FSTL5: variants seen among roughly 807,000 people sequenced by gnomAD.
FSTL5 encodes the protein follistatin like 5, also known as follistatin-related protein 5.
A neutral mutation model predicts 89.1 loss-of-function variants in FSTL5; 62 were observed. That is an observed-to-expected ratio of 0.70 (90% confidence interval 0.57 to 0.86). The LOEUF is 0.86. Ranked by LOEUF, FSTL5 falls within the 40% of genes least tolerant of loss-of-function variation. The probability of loss-of-function intolerance (pLI) is 0.00; values close to 1 mark genes in which losing one functional copy is unlikely to be tolerated. For missense variants in FSTL5, 1,057 were observed against 1,001.6 expected (o/e 1.06, Z -0.75); for synonymous variants, 383 against 346.2 (o/e 1.11, Z -1.18).
chr4:161,995,109 C>A (rs1186058233), intron 3 of FSTL5, among the ~76,000 whole-genome samples: 1 of 151,962 alleles, frequency 6.6e-6, no homozygotes, highest in African/African-American at 2.4e-5. Flanking sequence ...TATGGCTAGC[C>A]AGATTTCAGG....
intron 2 of FSTL5, among the ~76,000 whole-genome samples, chr4:162,107,447 G>A (rs147610298): frequency 1.4e-3 from 216 of 152,184 alleles, no homozygotes; most frequent in African/African-American, 5.0e-3. Flanking sequence ...TTCTAAAGAC[G>A]GCTCAAAATT....
chr4:161,961,522 AAAAT>A (rs1049791379), intron 3 of FSTL5, among the ~76,000 whole-genome samples: 5 of 2,322 alleles, frequency 2.2e-3, no homozygotes, highest in African/African-American at 3.5e-3. Context: ...TTACTCTAGA[AAAAT>A]ATATATATAT....
At chr4:161,621,690 A>G (rs1227740819) in intron 7 of FSTL5, among the ~76,000 whole-genome samples, 1 of 152,112 alleles carries the variant, frequency 6.6e-6, no homozygotes, top group East Asian at 1.9e-4. Context: ...GGAATTACCA[A>G]TATCAGGCCA....
At chr4:161,552,314 C>T (rs1391358030) in intron 8 of FSTL5, among the ~76,000 whole-genome samples, 1 of 151,708 alleles carries the variant, frequency 6.6e-6, no homozygotes, top group African/African-American at 2.4e-5. Flanking sequence ...GTTTATCTTG[C>T]CACAGGATTT....
intron 4 of FSTL5, among the ~76,000 whole-genome samples, chr4:161,852,581 T>C (rs1731588987): frequency 6.6e-6 from 1 of 152,170 alleles, no homozygotes; most frequent in South Asian, 2.1e-4. Flanking sequence ...GAGACAGAAA[T>C]ATCATTTGAC....
At chr4:161,508,875 C>T (rs1371983755) in intron 11 of FSTL5, among the ~76,000 whole-genome samples, 2 of 152,008 alleles carry the variant, frequency 1.3e-5, no homozygotes, top group African/African-American at 4.8e-5. Context: ...ACAAATTTTC[C>T]CAGCAATTAA....
chr4:161,610,614 G>A (rs1282730910), intron 7 of FSTL5, among the ~76,000 whole-genome samples: 4 of 152,008 alleles, frequency 2.6e-5, no homozygotes, highest in African/African-American at 4.8e-5. Context: ...TTTCAGCACA[G>A]GCAACAGTTT....
intron 6 of FSTL5, among the ~76,000 whole-genome samples, chr4:161,733,991 C>A (rs1362301675): frequency 6.6e-6 from 1 of 151,890 alleles, no homozygotes; most frequent in Non-Finnish European, 1.5e-5. Flanking sequence ...TTTCTTTCTT[C>A]ATTTCCTCTC....
intron 1 of FSTL5, among the ~76,000 whole-genome samples, chr4:162,156,499 T>G (rs952768429): frequency 6.6e-6 from 1 of 152,258 alleles, no homozygotes; most frequent in South Asian, 2.1e-4. Flanking sequence ...ACCTAGGTGT[T>G]TATCAATGGT....
At chr4:162,089,418 T>C (rs1337199271) in intron 2 of FSTL5, among the ~76,000 whole-genome samples, 1 of 151,838 alleles carries the variant, frequency 6.6e-6, no homozygotes, top group Non-Finnish European at 1.5e-5. Context: ...GTGGATCTCT[T>C]GAGGTCAGGA....
chr4:161,985,248 TA>T (rs1560953030), intron 3 of FSTL5, among the ~76,000 whole-genome samples: 1 of 152,188 alleles, frequency 6.6e-6, no homozygotes, highest in African/African-American at 2.4e-5. Context: ...ATTATAAAAT[TA>T]AAAAAAGTAA....
intron 3 of FSTL5, among the ~76,000 whole-genome samples, chr4:161,987,845 CA>C (rs1736009341): frequency 6.6e-6 from 1 of 151,366 alleles, no homozygotes; most frequent in South Asian, 2.1e-4. Context: ...AGAGATCTGC[CA>C]TCTTACTTGA....
chr4:161,865,583 C>T (rs930915233), intron 4 of FSTL5, among the ~76,000 whole-genome samples: 3 of 152,082 alleles, frequency 2.0e-5, no homozygotes, highest in Admixed American at 6.5e-5. Flanking sequence ...GACATAGAAG[C>T]AGTGAAATAT....
intron 13 of FSTL5, among the ~76,000 whole-genome samples, chr4:161,464,082 G>A (rs900050336): frequency 4.6e-5 from 7 of 151,964 alleles, no homozygotes; most frequent in South Asian, 2.1e-4. Flanking sequence ...TTGTGTGTTG[G>A]GTTTTACAAA....
intron 7 of FSTL5, among the ~76,000 whole-genome samples, chr4:161,633,805 A>C (rs1011262895): frequency 6.6e-6 from 1 of 152,136 alleles, no homozygotes; most frequent in Non-Finnish European, 1.5e-5. Context: ...AGCATGAGAC[A>C]ACAGTTTATT....
intron 1 of FSTL5, among the ~76,000 whole-genome samples, chr4:162,111,673 A>C: frequency 6.6e-6 from 1 of 152,120 alleles, no homozygotes; most frequent in Non-Finnish European, 1.5e-5. Flanking sequence ...TGGTAAGAAA[A>C]AAGTTAATAA....
At chr4:161,732,518 TTTG>T (rs1739647785) in intron 6 of FSTL5, among the ~76,000 whole-genome samples, 1 of 152,046 alleles carries the variant, frequency 6.6e-6, no homozygotes, top group African/African-American at 2.4e-5. Flanking sequence ...TTGAATAATT[TTTG>T]TTGTCTATAG....
chr4:161,662,375 G>A (rs954280174), intron 6 of FSTL5, among the ~76,000 whole-genome samples: 3 of 152,074 alleles, frequency 2.0e-5, no homozygotes, highest in Non-Finnish European at 4.4e-5. Context: ...AAGATTGTAA[G>A]ATGTATTATG....
At chr4:161,675,364 A>G (rs1316486543) in intron 6 of FSTL5, among the ~76,000 whole-genome samples, 2 of 151,656 alleles carry the variant, frequency 1.3e-5, no homozygotes, top group Admixed American at 6.6e-5. Flanking sequence ...TTTATTTTCA[A>G]AATCATAATA....
Sources: gnomAD v4.1 joint callset for allele counts (sites outside exome capture counted in the v4.1 genomes callset) on GRCh38, gnomAD v4.1.1 for gene constraint, MANE v1.5 for transcripts, NCBI Gene and HGNC (gene_info 2026-07-23, HGNC 2026-07-21) for gene names.